Variants in TARS3 observed in about 807,000 individuals in gnomAD.
TARS3 encodes the protein threonyl-tRNA synthetase 3, also known as threonine--tRNA ligase 2, cytoplasmic.
Under a neutral mutation model 103.5 loss-of-function variants are expected in TARS3, and 94 were observed. The ratio of observed to expected loss-of-function variants is 0.91; its 90% CI spans 0.77 to 1.08. The LOEUF is 1.08. TARS3 is among the 50% of genes least tolerant of loss of function. TARS3 has a pLI of 0.00. For synonymous variants in TARS3, 416 were observed against 355.4 expected (o/e 1.17, Z -1.92); for missense variants, 952 against 995.2 (o/e 0.96, Z 0.58).
chr15:101,674,990 C>G (rs1398335934), intron 13 of TARS3, among the ~76,000 whole-genome samples: 1 of 151,990 alleles, frequency 6.6e-6, no homozygotes, highest in Non-Finnish European at 1.5e-5. Context: ...GGAGAACTAA[C>G]AGGCAGAGCA....
intron 18 of TARS3, among the ~76,000 whole-genome samples, chr15:101,656,316 A>G (rs1325839161): frequency 6.6e-6 from 1 of 152,236 alleles, no homozygotes; most frequent in Admixed American, 6.5e-5. Context: ...TCAATAGAAC[A>G]ATGCTATGCA....
At chr15:101,680,014 T>G (rs1439337271) in intron 12 of TARS3, among the ~76,000 whole-genome samples, 2 of 152,154 alleles carry the variant, frequency 1.3e-5, no homozygotes, top group Non-Finnish European at 2.9e-5. Context: ...CAAGCAGGAC[T>G]GGAAGAGGCA....
chr15:101,654,689 G>C lies in TARS3; in HGVS notation c.2302C>G (p.Arg768Gly). Residue 768 changes from arginine (R) to glycine (G), a missense_variant, in exon 19 of 19, where the codon CGA becomes GGA. Transcript: ENST00000335968. ...CCATGAATTTTGTTGTCTCTTGTTC[G>C]CACGTTTACAGCATTATCTATCTTT... is the stretch of plus-strand genomic sequence containing the variant. ...KEKIDNAVNV[R>G]TRDNKIHGEI... The C allele has an allele frequency of 6.2e-7, 1 of 1,613,840 alleles. No individual in the cohort carries two copies. The highest frequency in any genetic ancestry group is 2.2e-5 in the East Asian group (1 of 44,876).
Position 101,711,879 on chromosome 15 carries a change from C to T in TARS3, c.812+1G>A, listed in dbSNP as rs1160837273. On this transcript the variant is annotated splice_donor_variant, in intron 5 of 18. Coordinates refer to ENST00000335968, the MANE Select transcript of TARS3 (RefSeq NM_152334.3). LOFTEE classifies it high-confidence loss of function. ...TCACAAGCCAGTATTCAGTGTGTTA[C>T]CTGTCTTCAATGAACATGTCATAAT... 1 of 1,613,484 alleles carries T rather than the reference C, an allele frequency of 6.2e-7. No homozygotes were observed. Among genetic ancestry groups the T allele is most frequent in the African/African-American group, 1.3e-5 (1 of 74,894 alleles).
chr15:101,702,143 G>A (rs1596317068), intron 9 of TARS3, 96 bp downstream of exon 9: 1 of 1,473,546 alleles, frequency 6.8e-7, no homozygotes, highest in Non-Finnish European at 9.3e-7. Flanking sequence ...AGAAGAAGAA[G>A]AAATCTTATT....
intron 10 of TARS3, among the ~76,000 whole-genome samples, chr15:101,698,645 T>C (rs1158480176): frequency 6.6e-6 from 1 of 152,122 alleles, no homozygotes; most frequent in East Asian, 1.9e-4. Context: ...GTGAGGGAGA[T>C]GAGAGGATGA....
chr15:101,721,825 C>T (rs1478592320), intron 2 of TARS3, among the ~76,000 whole-genome samples: 2 of 152,180 alleles, frequency 1.3e-5, no homozygotes, highest in African/African-American at 2.4e-5. Flanking sequence ...ATGTGAAAGT[C>T]ATATGCATTC....
In TARS3 at chr15:101,657,833, C is replaced by T. The variant is rs1394545044; in HGVS notation, c.2097G>A (p.Gln699=). The T allele has an allele frequency of 1.2e-6, 2 of 1,608,526 alleles. No individual in the cohort carries two copies. Among genetic ancestry groups the T allele is most frequent in the Non-Finnish European group, 1.7e-6 (2 of 1,176,970 alleles). Residue 699 remains glutamine (Q), a synonymous_variant, in exon 17 of 19, where the codon CAG becomes CAA. Transcript: ENST00000335968. ...TTGGCCCCACAGGGATGACCATCAC[C>T]TGACGAGGAGATAGCCAGAAAGGCC... ...GKWPFWLSPR[Q]VMVIPVGPTC...
At chr15:101,722,642 TAAAAAAAAAAAAAAAAA>T (rs35018220) in intron 2 of TARS3, among the ~76,000 whole-genome samples, 2 of 58,752 alleles carry the variant, frequency 3.4e-5, no homozygotes, top group Non-Finnish European at 5.7e-5. Flanking sequence ...CCATCTCTAC[TAAAAAAAAAAAAAAAAA>T]AAAAAAAAAA....
chr15:101,706,822 T>C (rs188570039), intron 6 of TARS3, among the ~76,000 whole-genome samples: 148 of 152,354 alleles, frequency 9.7e-4, no homozygotes, highest in Admixed American at 2.5e-3. Context: ...CGTATCTATA[T>C]ATTCACAACA....
intron 15 of TARS3, among the ~76,000 whole-genome samples, chr15:101,663,301 G>A (rs1251491029): frequency 6.6e-6 from 1 of 152,214 alleles, no homozygotes; most frequent in African/African-American, 2.4e-5. Flanking sequence ...CAAGGAAGCT[G>A]AAAAATTCCT....
intron 5 of TARS3, 65 bp from the exon 6 acceptor site, chr15:101,708,975 T>C: frequency 9.3e-7 from 1 of 1,071,514 alleles, no homozygotes; most frequent in Non-Finnish European, 1.3e-6. Flanking sequence ...CTTTCCTTTG[T>C]CCTGGAGCCT....
At chr15:101,708,256 T>TG (rs1264702071) in intron 6 of TARS3, among the ~76,000 whole-genome samples, 11 of 28,260 alleles carry the variant, frequency 3.9e-4, no homozygotes, top group Non-Finnish European at 5.6e-4. Context: ...AGACTCTGTC[T>TG]GAAAAAAAAA....
In TARS3 at chr15:101,711,982, G is replaced by A; in HGVS notation, c.710C>T (p.Ala237Val). The A allele has an allele frequency of 1.2e-6, 2 of 1,613,640 alleles. No individual in the cohort carries two copies. Among genetic ancestry groups the A allele is most frequent in the East Asian group, 4.5e-5 (2 of 44,864 alleles). Residue 237 changes from alanine (A) to valine (V), a missense_variant, in exon 5 of 19, where the codon GCT (alanine) becomes GTT (valine). Around this residue, in one of 2 missense-constraint regions of TARS3, gnomAD observed 412 missense variants for 364.2 expected, o/e 1.13. Coordinates refer to ENST00000335968, the MANE Select transcript of TARS3 (RefSeq NM_152334.3). The stretch of plus-strand genomic sequence containing the variant: ...CTCCATGGCCTCCCCAAGAATGTGA[G>A]CACTGGAGTGCCAGTACACCTGCAT... ...EAQAVYWHSS[A>V]HILGEAMELY...
chr15:101,681,677 C>T (rs966518666), intron 12 of TARS3, among the ~76,000 whole-genome samples: 5 of 152,206 alleles, frequency 3.3e-5, no homozygotes, highest in Admixed American at 6.5e-5. Context: ...TGTCCTCACA[C>T]GGCAGAGAGA....
At chr15:101,674,915 G>T (rs1468457314) in intron 13 of TARS3, among the ~76,000 whole-genome samples, 1 of 152,160 alleles carries the variant, frequency 6.6e-6, no homozygotes, top group Non-Finnish European at 1.5e-5. Context: ...ACCATCCAGG[G>T]TTTTGGGCAT....
chr15:101,713,725 A>G (rs1313521781), intron 4 of TARS3, among the ~76,000 whole-genome samples: 1 of 152,220 alleles, frequency 6.6e-6, no homozygotes, highest in Non-Finnish European at 1.5e-5. Flanking sequence ...GTTAAAATCG[A>G]AAATTTCATG....
At chr15:101,723,902 T>C (rs1442852586) in intron 1 of TARS3, among the ~76,000 whole-genome samples, 189 bp downstream of exon 1, 1 of 152,204 alleles carries the variant, frequency 6.6e-6, no homozygotes, top group Admixed American at 6.5e-5. Context: ...TGGCGACTGC[T>C]GGAAATCCGG....
At chr15:101,708,352 A>G (rs1236785986) in intron 6 of TARS3, among the ~76,000 whole-genome samples, 1 of 152,030 alleles carries the variant, frequency 6.6e-6, no homozygotes, top group African/African-American at 2.4e-5. Flanking sequence ...AAAATCAGGA[A>G]TATATTTAAG....
Sources: allele counts gnomAD v4.1 joint callset (sites outside exome capture counted in the v4.1 genomes callset), GRCh38; gene constraint gnomAD v4.1.1; regional missense constraint gnomAD v4.1.1; transcripts MANE v1.5; gene names NCBI Gene and HGNC (gene_info 2026-07-23, HGNC 2026-07-21).